The following LINGO2 variants were observed in gnomAD, a reference collection of about 807,000 sequenced individuals.
LINGO2 encodes leucine rich repeat and Ig domain containing 2, also known as leucine-rich repeat and immunoglobulin-like domain-containing nogo receptor-interacting protein 2.
LINGO2 carries 14 observed loss-of-function variants against 30.6 expected under a neutral mutation model. The ratio of observed to expected loss-of-function variants is 0.46; its 90% confidence interval spans 0.30 to 0.72. The LOEUF (loss-of-function observed/expected upper bound fraction) is 0.72, where lower values mean the gene tolerates loss of function less well. LINGO2 is among the 30% of genes least tolerant of loss of function. The pLI, the probability that LINGO2 is intolerant of heterozygous loss-of-function variation, is 0.07. For missense variants in LINGO2, 729 were observed against 751.7 expected, an observed-to-expected ratio of 0.97 and a Z score of 0.35; for synonymous variants, 317 against 288.5, an observed-to-expected ratio of 1.10 and a Z score of -1.00.
At chr9:28,869,867 G>A in the LINGO2 span, among the ~76,000 whole-genome samples, 3 of 151,646 alleles carry the variant, frequency 2.0e-5, no homozygotes, top group East Asian at 1.9e-4. Context: ...TACCCTATGG[G>A]CTCGTTTTAC....
the LINGO2 span, among the ~76,000 whole-genome samples, chr9:29,041,309 T>A: frequency 6.6e-6 from 1 of 152,146 alleles, no homozygotes; most frequent in African/African-American, 2.4e-5. Context: ...AGGAAGGGTT[T>A]TTGGACACAA....
At chr9:28,447,131 G>C (rs571641910) in intron 2 of LINGO2, among the ~76,000 whole-genome samples, 1 of 152,226 alleles carries the variant, frequency 6.6e-6, no homozygotes, top group South Asian at 2.1e-4. Flanking sequence ...GGTTAGGTTT[G>C]CCTGATATCT....
chr9:28,682,368 A>G, the LINGO2 span, among the ~76,000 whole-genome samples: 1 of 152,268 alleles, frequency 6.6e-6, no homozygotes, highest in Non-Finnish European at 1.5e-5. Flanking sequence ...GCCTTGTCAA[A>G]TATTTGCCTT....
intron 4 of LINGO2, among the ~76,000 whole-genome samples, chr9:28,094,864 C>G (rs775689211): frequency 6.6e-5 from 10 of 152,070 alleles, no homozygotes; most frequent in Non-Finnish European, 1.3e-4. Context: ...AGTCCTCTTA[C>G]TTAAATTAAG....
intron 3 of LINGO2, among the ~76,000 whole-genome samples, chr9:28,313,729 A>G (rs1824721501): frequency 6.6e-6 from 1 of 152,186 alleles, no homozygotes. Context: ...GAAGTAATAA[A>G]TTCTTTCCCT....
At chr9:29,052,797 T>C in the LINGO2 span, among the ~76,000 whole-genome samples, 10 of 152,132 alleles carry the variant, frequency 6.6e-5, no homozygotes, top group South Asian at 2.1e-4. Context: ...CTATCTCCAT[T>C]CAATATTTAC....
At chr9:28,441,998 A>G (rs1824217400) in intron 2 of LINGO2, among the ~76,000 whole-genome samples, 1 of 151,992 alleles carries the variant, frequency 6.6e-6, no homozygotes. Context: ...TTTTATTATT[A>G]TATTTTAGAA....
intron 1 of LINGO2, among the ~76,000 whole-genome samples, chr9:28,541,805 A>AC (rs1821710886): frequency 6.6e-6 from 1 of 152,168 alleles, no homozygotes; most frequent in Non-Finnish European, 1.5e-5. Context: ...GAATATGGTA[A>AC]ATCAGTTTCA....
chr9:28,930,905 C>G, the LINGO2 span, among the ~76,000 whole-genome samples: 2 of 152,148 alleles, frequency 1.3e-5, no homozygotes, highest in African/African-American at 4.8e-5. This position sits in a 1 kb window ranked among gnomAD's most constrained non-coding sequence, Gnocchi z 4.2. Context: ...GGCAATATTA[C>G]TCTACTGCTT....
chr9:29,061,648 G>T, the LINGO2 span, among the ~76,000 whole-genome samples: 39 of 152,056 alleles, frequency 2.6e-4, no homozygotes, highest in African/African-American at 8.9e-4. Flanking sequence ...AATAAGTTTG[G>T]ACCCTTACCT....
intron 1 of LINGO2, among the ~76,000 whole-genome samples, chr9:28,648,925 C>A (rs1230841916): frequency 6.6e-6 from 1 of 151,898 alleles, no homozygotes; most frequent in African/African-American, 2.4e-5. Flanking sequence ...TGGTAGGGGG[C>A]GGTAAAGAGA....
intron 4 of LINGO2, among the ~76,000 whole-genome samples, chr9:28,224,840 A>G (rs1821091557): frequency 6.6e-6 from 1 of 152,230 alleles, no homozygotes; most frequent in African/African-American, 2.4e-5. Flanking sequence ...ACAAAAAAGA[A>G]CAAAGCCTGA....
chr9:28,377,924 C>G (rs899729690), intron 2 of LINGO2, among the ~76,000 whole-genome samples: 1 of 152,180 alleles, frequency 6.6e-6, no homozygotes. Context: ...TTACCTAATT[C>G]TATGCAGTTG....
At chr9:28,167,793 G>C (rs984389366) in intron 4 of LINGO2, among the ~76,000 whole-genome samples, 1 of 152,214 alleles carries the variant, frequency 6.6e-6, no homozygotes, top group African/African-American at 2.4e-5. Context: ...GGCTGAAGCA[G>C]AAGTTGCTCA....
the LINGO2 span, among the ~76,000 whole-genome samples, chr9:29,033,955 A>T: frequency 6.6e-6 from 1 of 151,868 alleles, no homozygotes; most frequent in Non-Finnish European, 1.5e-5. Flanking sequence ...GGTGGTGCGC[A>T]CCTGTAATCT....
rs573677183 is a variant in LINGO2 at position 28,635,876 on chromosome 9, AG to A, written c.-365+34323del. ...TTTAGGGTACATGTGCACAACGTACAGGTTTGTTAAATATGTATACATGTGC... is the reference window on the plus strand; with the variant it reads ...TTTAGGGTACATGTGCACAACGTACAGTTTGTTAAATATGTATACATGTGC... On this transcript the variant is annotated intron_variant, in intron 1 of 5. Coordinates refer to ENST00000379992, the Ensembl canonical transcript of LINGO2. Among the ~76,000 whole-genome samples, 36 of 152,226 alleles carry A rather than the reference AG, an allele frequency of 2.4e-4. No homozygotes were observed. The East Asian group carries it at 6.8e-3, about 29-fold the overall frequency.
intron 4 of LINGO2, among the ~76,000 whole-genome samples, chr9:28,212,813 A>T (rs770283841): frequency 2.0e-5 from 3 of 151,490 alleles, no homozygotes; most frequent in African/African-American, 4.8e-5. Flanking sequence ...GACATAGGAC[A>T]GTTCCATCAT....
intron 4 of LINGO2, among the ~76,000 whole-genome samples, chr9:28,222,925 T>C (rs1198762205): frequency 1.3e-5 from 2 of 152,188 alleles, no homozygotes; most frequent in South Asian, 2.1e-4. Context: ...AGCTGGAGTT[T>C]ACCTAGTTAG....
intron 5 of LINGO2, among the ~76,000 whole-genome samples, chr9:27,982,731 G>A (rs139946818): frequency 0.014 from 2,120 of 151,972 alleles, 13 homozygotes; most frequent in Non-Finnish European, 0.022. Context: ...GCTGAGAGCA[G>A]AGAACCTGGA....
Sources: gnomAD v4.1 joint callset for allele counts (sites outside exome capture counted in the v4.1 genomes callset) on GRCh38, gnomAD v4.1.1 for gene constraint, Gnocchi (gnomAD v3.1) non-coding constraint, MANE v1.5 for transcripts, NCBI Gene and HGNC (gene_info 2026-07-23, HGNC 2026-07-21) for gene names.